The following KDM4C variants were observed in gnomAD, a reference collection of about 807,000 sequenced individuals.
KDM4C encodes the protein lysine-specific demethylase 4C.
KDM4C carries 81 observed loss-of-function variants against 129.3 expected under a neutral mutation model. The ratio of observed to expected loss-of-function variants is 0.63; its 90% CI spans 0.52 to 0.75. The LOEUF is 0.75. Ranked by LOEUF, KDM4C falls within the 30% of genes least tolerant of loss-of-function variation. KDM4C has a pLI of 0.00. For synonymous variants in KDM4C, 573 were observed against 456.1 expected, an observed-to-expected ratio of 1.26 and a Z score of -3.26; for missense variants, 1,457 against 1,304.0, an observed-to-expected ratio of 1.12 and a Z score of -1.81.
At position 6,911,063 on chromosome 9, in the gene KDM4C, A is replaced by G. The variant is rs951892313; in HGVS notation, c.921+17831A>G. On this transcript the variant is annotated intron_variant, in intron 8 of 21. Transcript: ENST00000381309. ...ATCTTTGCAGGGTTTTAATTTGCTT[A>G]TCTTTATTTTAAAATATTTCTATAG... 4.6e-5 allele frequency among the ~76,000 whole-genome samples: 7 copies of G among 152,190 alleles called. No individual in the cohort carries two copies. In the South Asian group the frequency reaches 1.2e-3, roughly 27 times the overall value.
chr9:7,023,583 A>C (rs1201496216), intron 15 of KDM4C, among the ~76,000 whole-genome samples: 2 of 152,004 alleles, frequency 1.3e-5, no homozygotes, highest in African/African-American at 2.4e-5. Context: ...TCTTTTTAAA[A>C]AACATCTTTT....
At chr9:7,129,243 A>G (rs377557054) in intron 19 of KDM4C, among the ~76,000 whole-genome samples, 4 of 152,342 alleles carry the variant, frequency 2.6e-5, no homozygotes, top group South Asian at 4.1e-4. Flanking sequence ...TGAAATTGCT[A>G]AAGACAGTTT....
chr9:7,059,048 T>A (rs1406372057), intron 17 of KDM4C, among the ~76,000 whole-genome samples: 3 of 152,230 alleles, frequency 2.0e-5, no homozygotes, highest in South Asian at 4.1e-4. Flanking sequence ...ACAGGCTTTT[T>A]AAATGAGATT....
chr9:7,145,217 G>A lies in KDM4C; in HGVS notation c.2781+16981G>A, dbSNP rs777562697. The stretch of plus-strand genomic sequence containing the variant: ...GGTGGCGGGGGAGAAAGCTAACTAC[G>A]TGTCTGCGTTTGATTTTTTTCCTGC... On this transcript the variant is annotated intron_variant, in intron 19 of 21. Transcript: ENST00000381309. Among the ~76,000 whole-genome samples the A allele has an allele frequency of 3.9e-5, 6 of 152,178 alleles. No individual in the cohort carries two copies. In the East Asian group the frequency reaches 9.6e-4, roughly 24 times the overall value.
At chr9:7,033,013 G>A (rs1827039547) in intron 15 of KDM4C, among the ~76,000 whole-genome samples, 1 of 152,100 alleles carries the variant, frequency 6.6e-6, no homozygotes. Context: ...AACAGCATTG[G>A]CATTTTTCTT....
At chr9:7,038,771 C>G (rs1037843126) in intron 15 of KDM4C, among the ~76,000 whole-genome samples, 8 of 151,990 alleles carry the variant, frequency 5.3e-5, no homozygotes, top group Non-Finnish European at 1.2e-4. Flanking sequence ...ATCATAACAG[C>G]TTACATGACC....
At chr9:6,997,157 C>T (rs1416580131) in intron 12 of KDM4C, among the ~76,000 whole-genome samples, 2 of 152,110 alleles carry the variant, frequency 1.3e-5, no homozygotes, top group African/African-American at 2.4e-5. Flanking sequence ...GTGTTTGGCA[C>T]ATAATGACTG....
chr9:6,814,717 C>T lies in KDM4C; in HGVS notation c.407C>T (p.Ala136Val). The T allele has an allele frequency of 6.2e-7, 1 of 1,608,334 alleles. No individual in the cohort carries two copies. The highest frequency in any genetic ancestry group is 8.5e-7 in the Non-Finnish European group (1 of 1,175,820). The change falls in exon 4 of 22, where the codon GCA (alanine) becomes GTA (valine). Residue 136 changes from alanine to valine, a missense_variant. By Grantham distance (64) the Ala-to-Val change is moderately conservative (BLOSUM62 0). Coordinates refer to ENST00000381309, the MANE Select transcript of KDM4C (RefSeq NM_015061.6). Reference sequence around the variant, plus strand: ...ACTTTTGTGGCACCTATCTATGGTGCAGATATTAATGGGAGCATATATGAT... The same window carrying T: ...ACTTTTGTGGCACCTATCTATGGTGTAGATATTAATGGGAGCATATATGAT... ...NLTFVAPIYGADINGSIYDEG... is the reference protein window; with the variant it reads ...NLTFVAPIYGVDINGSIYDEG...
chr9:7,139,232 G>A (rs760049309), intron 19 of KDM4C, among the ~76,000 whole-genome samples: 1 of 152,158 alleles, frequency 6.6e-6, no homozygotes, highest in Non-Finnish European at 1.5e-5. Context: ...CTGAGATTCT[G>A]CCGCTGCTCT....
chr9:6,902,043 G>A (rs1563785040), intron 8 of KDM4C, among the ~76,000 whole-genome samples: 2 of 152,298 alleles, frequency 1.3e-5, no homozygotes, highest in Middle Eastern at 3.4e-3. Flanking sequence ...AGAGCCATGG[G>A]TTTTTAGGGA....
At chr9:7,024,482 C>T (rs1474400080) in intron 15 of KDM4C, among the ~76,000 whole-genome samples, 2 of 151,776 alleles carry the variant, frequency 1.3e-5, no homozygotes, top group South Asian at 2.1e-4. Flanking sequence ...ATCCCTCCCC[C>T]GTCCCCCCAC....
intron 2 of KDM4C, among the ~76,000 whole-genome samples, chr9:6,795,872 A>T (rs1006789824): frequency 1.3e-5 from 2 of 151,802 alleles, no homozygotes; most frequent in African/African-American, 4.8e-5. Flanking sequence ...AGGTTTCACC[A>T]TGTTGCCTAG....
intron 5 of KDM4C, among the ~76,000 whole-genome samples, chr9:6,868,718 A>T (rs1407704956): frequency 6.6e-6 from 1 of 151,850 alleles, no homozygotes; most frequent in African/African-American, 2.4e-5. Context: ...TTGATCTGTG[A>T]TTGGTTGACT....
In KDM4C at chr9:7,163,660, C is replaced by T. The variant is rs532545880; in HGVS notation, c.2782-1578C>T. Reference sequence around the variant, plus strand: ...CATGTAATCAGTTTGTACTCAGAAGCTATACCTTCCAGTGTTCTCGGTACC... The same window carrying T: ...CATGTAATCAGTTTGTACTCAGAAGTTATACCTTCCAGTGTTCTCGGTACC... On this transcript the variant is annotated intron_variant, in intron 19 of 21. Transcript: ENST00000381309. 4.6e-5 allele frequency among the ~76,000 whole-genome samples: 7 copies of T among 152,212 alleles called. No individual in the cohort carries two copies. In the East Asian group the frequency reaches 9.6e-4, roughly 21 times the overall value.
chr9:6,807,570 C>CT (rs1830254623), intron 3 of KDM4C, among the ~76,000 whole-genome samples: 1 of 149,624 alleles, frequency 6.7e-6, no homozygotes, highest in African/African-American at 2.4e-5. Flanking sequence ...TCTGCCCGGC[C>CT]GAGACCCCGT....
intron 19 of KDM4C, among the ~76,000 whole-genome samples, chr9:7,144,521 C>G (rs1279003566): frequency 6.6e-6 from 1 of 152,206 alleles, no homozygotes; most frequent in Non-Finnish European, 1.5e-5. Flanking sequence ...CAACTGGGGA[C>G]ATTGGCCTAG....
At chr9:7,133,016 T>C (rs985103478) in intron 19 of KDM4C, among the ~76,000 whole-genome samples, 3 of 152,230 alleles carry the variant, frequency 2.0e-5, no homozygotes, top group Admixed American at 6.5e-5. Context: ...TGAGTAGTTA[T>C]GGCCTTTAGT....
intron 8 of KDM4C, among the ~76,000 whole-genome samples, chr9:6,904,624 C>T (rs963316096): frequency 3.3e-5 from 5 of 152,092 alleles, no homozygotes; most frequent in African/African-American, 7.2e-5. Context: ...CCTGTCACCT[C>T]GGCTTATTCC....
intron 12 of KDM4C, among the ~76,000 whole-genome samples, chr9:6,995,733 GC>G: frequency 6.6e-6 from 1 of 152,022 alleles, no homozygotes; most frequent in Non-Finnish European, 1.5e-5. Context: ...GTGCAGTGGC[GC>G]AGTCTCAGCT....
Sources: gnomAD v4.1 joint callset for allele counts (sites outside exome capture counted in the v4.1 genomes callset) on GRCh38, gnomAD v4.1.1 for gene constraint, MANE v1.5 for transcripts, NCBI Gene and HGNC (gene_info 2026-07-23, HGNC 2026-07-21) for gene names.